Variants in EXT1 observed in about 807,000 individuals in gnomAD.
The protein encoded by EXT1 is exostosin glycosyltransferase 1, also known as exostosin-1.
In EXT1, 20 loss-of-function variants were observed where a neutral mutation model predicts 82.5. The observed-to-expected ratio is 0.24, with a 90% CI of 0.17 to 0.35. EXT1 has a LOEUF of 0.35. Among genes scored for constraint, EXT1 ranks in the 10% least tolerant of loss-of-function variants. The pLI, the probability that EXT1 is intolerant of heterozygous loss-of-function variation, is 1.00. For synonymous variants in EXT1, 348 were observed against 350.8 expected (o/e 0.99, Z 0.09); for missense variants, 757 against 936.5 (o/e 0.81, Z 2.50).
At chr8:117,923,619 G>C (rs916635039) in intron 1 of EXT1, among the ~76,000 whole-genome samples, 3 of 151,666 alleles carry the variant, frequency 2.0e-5, no homozygotes, top group South Asian at 4.2e-4. Flanking sequence ...CCAGCTACTC[G>C]GGAGGCTGAG....
At chr8:118,039,576 A>T (rs936157650) in intron 1 of EXT1, among the ~76,000 whole-genome samples, 4 of 151,666 alleles carry the variant, frequency 2.6e-5, no homozygotes, top group African/African-American at 4.8e-5. Context: ...AAAAAAAAAA[A>T]AAAAATAAGA....
chr8:117,911,917 A>C (rs28357280), intron 1 of EXT1, among the ~76,000 whole-genome samples: 1 of 152,240 alleles, frequency 6.6e-6, no homozygotes, highest in Admixed American at 6.5e-5. Flanking sequence ...ACAATCTGCA[A>C]TATGAATCTT....
chr8:117,840,274 C>T (rs10109017), intron 1 of EXT1, among the ~76,000 whole-genome samples: 13,651 of 152,014 alleles, frequency 0.09, 791 homozygotes, highest in African/African-American at 0.17. Context: ...AGGCTGGGCT[C>T]TCCATCCCCC....
At chr8:118,097,413 C>T (rs1216785269) in intron 1 of EXT1, among the ~76,000 whole-genome samples, 1 of 152,100 alleles carries the variant, frequency 6.6e-6, no homozygotes, top group African/African-American at 2.4e-5. Context: ...CCCCACTGCA[C>T]TCCAGCCTGG....
Position 118,111,530 on chromosome 8 carries a change from A to G in EXT1, c.-484T>C. On this transcript the variant is annotated 5_prime_UTR_variant, in exon 1 of 11. Coordinates refer to ENST00000378204, the MANE Select transcript of EXT1 (RefSeq NM_000127.3). ...CAGAGCACTCCGGTTCCAACAAGTC[A>G]GCCGATCCCGGGTTCAGCCGGCTAG... is the stretch of plus-strand genomic sequence containing the variant. 2.2e-6 allele frequency: 1 copy of G among 448,152 alleles called. No homozygotes were observed. 27.8% of individuals were successfully genotyped at this position (448,152 alleles called of 1,614,324 possible).
At chr8:117,950,920 T>A (rs571552216) in intron 1 of EXT1, among the ~76,000 whole-genome samples, 12 of 152,272 alleles carry the variant, frequency 7.9e-5, no homozygotes, top group South Asian at 2.1e-4. Flanking sequence ...ATTTTTTTTT[T>A]AAAAGTTGTA....
At position 117,797,171 on chromosome 8, in the gene EXT1, A is replaced by G. The variant is rs543102879; in HGVS notation, c.*2541T>C. The G allele has an allele frequency of 2.6e-5, 4 of 152,386 alleles. No homozygotes were observed. In the South Asian group the frequency reaches 8.3e-4, roughly 32 times the overall value. 9.4% of individuals were successfully genotyped at this position (152,386 alleles called of 1,614,324 possible). ...AATACAACTCTTTCCTAACTGAATT[A>G]AAATTACATATTACTGTCGAGCTTC... On this transcript the variant is annotated 3_prime_UTR_variant, in exon 11 of 11. Coordinates refer to ENST00000378204, the MANE Select transcript of EXT1 (RefSeq NM_000127.3).
At chr8:118,072,914 G>A (rs1487139976) in intron 1 of EXT1, among the ~76,000 whole-genome samples, 1 of 152,216 alleles carries the variant, frequency 6.6e-6, no homozygotes, top group Non-Finnish European at 1.5e-5. Context: ...TAGGTCTACA[G>A]AGATGAATTG....
chr8:117,896,186 G>A (rs749418476), intron 1 of EXT1, among the ~76,000 whole-genome samples: 5 of 152,188 alleles, frequency 3.3e-5, no homozygotes, highest in Non-Finnish European at 7.3e-5. Context: ...CTATGGATGT[G>A]TGTGCATGTG....
At chr8:118,069,584 G>A (rs1181153523) in intron 1 of EXT1, among the ~76,000 whole-genome samples, 1 of 152,162 alleles carries the variant, frequency 6.6e-6, no homozygotes, top group Non-Finnish European at 1.5e-5. Context: ...AGAGTTAGCG[G>A]AGATAGAAAA....
Position 118,110,984 on chromosome 8 carries a change from AAAC to A in EXT1, c.60_62del (p.Leu20del). On this transcript the variant is annotated inframe_deletion, in exon 1 of 11. Transcript: ENST00000378204. ...CCCTAAACTGCAAGCCTCCGAAATA[AAAC>A]AAAAGGGCGAGACAAGAGCCAGCTG... The A allele has an allele frequency of 6.2e-7, 1 of 1,609,720 alleles. No homozygotes were observed. The highest frequency in any genetic ancestry group is 8.5e-7 in the Non-Finnish European group (1 of 1,179,964).
intron 1 of EXT1, among the ~76,000 whole-genome samples, chr8:117,912,222 A>G (rs11781153): frequency 0.31 from 46,907 of 152,124 alleles, 7,609 homozygotes; most frequent in East Asian, 0.36. Context: ...ATAGCAGAGT[A>G]TACTAAAGAA....
At chr8:117,965,127 G>C (rs1035173481) in intron 1 of EXT1, among the ~76,000 whole-genome samples, 1 of 151,956 alleles carries the variant, frequency 6.6e-6, no homozygotes, top group Admixed American at 6.6e-5. Context: ...GTAGTGTCTT[G>C]TTTTTTTGTT....
chr8:117,809,554 T>C (rs562949274), intron 8 of EXT1, among the ~76,000 whole-genome samples: 1 of 151,630 alleles, frequency 6.6e-6, no homozygotes, highest in African/African-American at 2.4e-5. Flanking sequence ...CGAGAATTGC[T>C]TGAACCCAGG....
intron 1 of EXT1, among the ~76,000 whole-genome samples, chr8:118,061,528 T>C (rs906183413): frequency 2.0e-5 from 3 of 152,194 alleles, no homozygotes; most frequent in Admixed American, 2.0e-4. Context: ...CATAACCCAT[T>C]GATTCAACAC....
rs796605483 is a variant in EXT1 at position 117,809,242 on chromosome 8, T to TATATATATATATAAA, written c.1723-1866_1723-1865insTTTATATATATATAT. Reference sequence around the variant, plus strand: ...AAATATATATATATATATATATATATATTATGTTCTATTGATTCTGTTTGC... The same window carrying TATATATATATATAAA: ...AAATATATATATATATATATATATATATATATATATATAAAATTATGTTCTATTGATTCTGTTTGC... On this transcript the variant is annotated intron_variant, in intron 8 of 10. Coordinates refer to ENST00000378204, the MANE Select transcript of EXT1 (RefSeq NM_000127.3). Among the ~76,000 whole-genome samples the TATATATATATATAAA allele has an allele frequency of 1.7e-3, 235 of 141,198 alleles. 2 individuals are homozygous for TATATATATATATAAA. The highest frequency in any genetic ancestry group is 3.6e-3 in the Middle Eastern group (1 of 274). The allele number at this position is 141,198 out of a possible 152,430, so 92.6% of individuals were successfully genotyped here.
chr8:117,876,033 A>G (rs1812963634), intron 1 of EXT1, among the ~76,000 whole-genome samples: 1 of 152,248 alleles, frequency 6.6e-6, no homozygotes, highest in South Asian at 2.1e-4. Context: ...CTGAGCACCT[A>G]TCCATGCCAG....
At chr8:117,898,897 G>A (rs1247581787) in intron 1 of EXT1, among the ~76,000 whole-genome samples, 1 of 151,906 alleles carries the variant, frequency 6.6e-6, no homozygotes, top group African/African-American at 2.4e-5. Flanking sequence ...TAAATAGTCA[G>A]GAAACTACGG....
At chr8:118,023,165 G>A (rs1816142256) in intron 1 of EXT1, among the ~76,000 whole-genome samples, 1 of 152,104 alleles carries the variant, frequency 6.6e-6, no homozygotes, top group South Asian at 2.1e-4. Flanking sequence ...ATAGAATAAA[G>A]TTTACTTTTG....
Sources: gnomAD v4.1 joint callset for allele counts (sites outside exome capture counted in the v4.1 genomes callset) on GRCh38, gnomAD v4.1.1 for gene constraint, MANE v1.5 for transcripts, NCBI Gene and HGNC (gene_info 2026-07-23, HGNC 2026-07-21) for gene names.